Variants in TMEM132E observed in about 807,000 individuals in gnomAD.
The protein encoded by TMEM132E is transmembrane protein 132E.
A neutral mutation model predicts 78.5 loss-of-function variants in TMEM132E; 49 were observed. That is an observed-to-expected ratio of 0.62 (90% confidence interval 0.50 to 0.79). TMEM132E has a LOEUF of 0.79. TMEM132E is among the 30% of genes least tolerant of loss of function. The pLI, the probability that TMEM132E is intolerant of heterozygous loss-of-function variation, is 0.00. For synonymous variants in TMEM132E, 715 were observed against 670.6 expected (o/e 1.07, Z -1.02); for missense variants, 1,403 against 1,470.9 (o/e 0.95, Z 0.75).
Position 34,613,209 on chromosome 17 carries a change from A to ACGCGCG in TMEM132E, c.68-12917_68-12916insGCGCGC, listed in dbSNP as rs1383529235. 1.9e-3 allele frequency among the ~76,000 whole-genome samples: 122 copies of ACGCGCG among 63,624 alleles called. 1 individual carries two copies. Among genetic ancestry groups the ACGCGCG allele is most frequent in the East Asian group, 6.4e-3 (9 of 1,416 alleles). The allele number at this position is 63,624 out of a possible 152,430, so 41.7% of individuals were successfully genotyped here. A position where few individuals can be genotyped will look rare whatever the true frequency, so the allele number is the denominator to read the frequency against. ...CACACACACACACCCACACACACAC[A>ACGCGCG]CACGCGCGCGCGCGCGCGTTCTTAC... On this transcript the variant is annotated intron_variant, in intron 1 of 8. Coordinates refer to ENST00000631683, the MANE Select transcript of TMEM132E (RefSeq NM_001304438.2).
At chr17:34,625,819 A>G (rs1477224369) in intron 1 of TMEM132E, among the ~76,000 whole-genome samples, 3 of 152,150 alleles carry the variant, frequency 2.0e-5, no homozygotes, top group African/African-American at 7.2e-5. Context: ...TGGGGATAGA[A>G]CCTCCTGAAG....
At chr17:34,633,383 C>T (rs1398423985) in intron 6 of TMEM132E, among the ~76,000 whole-genome samples, 1 of 152,248 alleles carries the variant, frequency 6.6e-6, no homozygotes, top group East Asian at 1.9e-4. Flanking sequence ...CACCTGTACA[C>T]ATGTGTCCCA....
At chr17:34,613,632 C>A (rs1263103869) in intron 1 of TMEM132E, among the ~76,000 whole-genome samples, 1 of 152,040 alleles carries the variant, frequency 6.6e-6, no homozygotes, top group Non-Finnish European at 1.5e-5. Flanking sequence ...CTATCTCTTT[C>A]CTTTGAACCC....
At chr17:34,590,310 T>C (rs1905827726) in intron 1 of TMEM132E, among the ~76,000 whole-genome samples, 2 of 149,170 alleles carry the variant, frequency 1.3e-5, no homozygotes, top group Non-Finnish European at 3.0e-5. Context: ...CCGACACTCA[T>C]AGCTTTCCTC....
chr17:34,626,017 A>C (rs2142078697), intron 1 of TMEM132E, 110 bp from the exon 2 acceptor site: 2 of 1,019,044 alleles, frequency 2.0e-6, no homozygotes, highest in East Asian at 5.5e-5. Context: ...GCCCAGCTAG[A>C]GGAGTTGGCA....
chr17:34,634,790 C>T lies in TMEM132E; in HGVS notation c.1689-9C>T. 2 of 1,607,826 alleles carry T rather than the reference C, an allele frequency of 1.2e-6. No individual in the cohort carries two copies. Among genetic ancestry groups the T allele is most frequent in the Non-Finnish European group, 1.7e-6 (2 of 1,176,842 alleles). On this transcript the variant is annotated splice_polypyrimidine_tract_variant and intron_variant, in intron 6 of 8. Transcript: ENST00000631683. ...GAGAAGCCTTCAGCATGGCATGTCC[C>T]CACCCCAGGTCAGTCCGGGAAAGCG...
rs1905389933 is a variant in TMEM132E at position 34,579,620 on chromosome 17, AGGCGGCGACGGC to A, written c.-1449_-1438del. ...GGAGCAGCCGGCGCGAGCGCCGAGG[AGGCGGCGACGGC>A]GGCGGCGGCTGCTTCGTGCAACTGT... On this transcript the variant is annotated 5_prime_UTR_variant, in exon 1 of 9. Coordinates refer to ENST00000631683, the MANE Select transcript of TMEM132E (RefSeq NM_001304438.2). The A allele has an allele frequency of 6.3e-6, 1 of 159,636 alleles. No homozygotes were observed. Among genetic ancestry groups the A allele is most frequent in the African/African-American group, 2.4e-5 (1 of 41,472 alleles). 9.9% of individuals were successfully genotyped at this position (159,636 alleles called of 1,614,324 possible).
intron 6 of TMEM132E, 83 bp downstream of exon 6, chr17:34,632,992 T>C: frequency 6.8e-7 from 1 of 1,461,448 alleles, no homozygotes; most frequent in Non-Finnish European, 9.5e-7. Context: ...TGCATATGGG[T>C]ATAAGGCCCT....
At chr17:34,632,361 G>T (rs1597692508) in intron 5 of TMEM132E, among the ~76,000 whole-genome samples, 3 of 152,370 alleles carry the variant, frequency 2.0e-5, no homozygotes, top group East Asian at 1.9e-4. Flanking sequence ...CAGTCTTGCT[G>T]GGGGAGGGGA....
Position 34,631,849 on chromosome 17 carries a change from C to T in TMEM132E, c.1483-855C>T, listed in dbSNP as rs114833444. Among the ~76,000 whole-genome samples, 6 of 152,334 alleles carry T rather than the reference C, an allele frequency of 3.9e-5. 1 individual carries two copies. The highest frequency in any genetic ancestry group is 1.2e-4 in the African/African-American group (5 of 41,570). On this transcript the variant is annotated intron_variant, in intron 5 of 8. Transcript: ENST00000631683. ...CAGCATGAGCACCTAGATGCATGTA[C>T]ACACAGGATCCGTTCTGGGGTGCCA...
intron 1 of TMEM132E, among the ~76,000 whole-genome samples, chr17:34,613,207 A>AAACGCGCG (rs1906659396): frequency 1.2e-5 from 1 of 82,918 alleles, no homozygotes; most frequent in African/African-American, 3.6e-5. Flanking sequence ...CCACACACAC[A>AAACGCGCG]CACACGCGCG....
At position 34,627,126 on chromosome 17, in the gene TMEM132E, G is replaced by A. The variant is rs144481800; in HGVS notation, c.998+69G>A. On this transcript the variant is annotated intron_variant, in intron 2 of 8. Coordinates refer to ENST00000631683, the MANE Select transcript of TMEM132E (RefSeq NM_001304438.2). ...CAAATGCATACCTGACTCCTTGTGG[G>A]TGGGTTGGGGGGTGGGGGGACCTCC... 1.6e-5 allele frequency: 23 copies of A among 1,441,676 alleles called. 1 individual carries two copies. In the Admixed American group the frequency reaches 3.3e-4, roughly 21 times the overall value. 89.3% of individuals were successfully genotyped at this position (1,441,676 alleles called of 1,614,324 possible).
chr17:34,626,113 C>T lies in TMEM132E; in HGVS notation c.68-14C>T. On this transcript the variant is annotated splice_polypyrimidine_tract_variant and intron_variant, in intron 1 of 8. Coordinates refer to ENST00000631683, the MANE Select transcript of TMEM132E (RefSeq NM_001304438.2). ...CCTGACCACCCTGGGCCTCTTTCCT[C>T]TGTCTGTCCCCAGCCTCTGGCCGCT... 1 of 1,492,850 alleles carries T rather than the reference C, an allele frequency of 6.7e-7. No individual in the cohort carries two copies. Among genetic ancestry groups the T allele is most frequent in the Non-Finnish European group, 8.9e-7 (1 of 1,125,194 alleles). 92.5% of individuals were successfully genotyped at this position (1,492,850 alleles called of 1,614,324 possible).
chr17:34,581,341 C>T (rs1905473692), intron 1 of TMEM132E, among the ~76,000 whole-genome samples, 198 bp downstream of exon 1: 1 of 148,238 alleles, frequency 6.7e-6, no homozygotes, highest in South Asian at 2.2e-4. Context: ...CCGAGCCCGG[C>T]GCCAGAAAAG....
intron 1 of TMEM132E, among the ~76,000 whole-genome samples, chr17:34,613,209 A>ACGTGCGCG (rs1383529235): frequency 1.6e-5 from 1 of 63,514 alleles, no homozygotes; most frequent in Admixed American, 2.2e-4. Flanking sequence ...ACACACACAC[A>ACGTGCGCG]CACGCGCGCG....
intron 4 of TMEM132E, 118 bp from the exon 5 acceptor site, chr17:34,629,890 C>A: frequency 1.7e-6 from 2 of 1,208,654 alleles, no homozygotes; most frequent in South Asian, 1.7e-5. Context: ...AGTGTCCCCA[C>A]TGGAAGGATG....
intron 1 of TMEM132E, among the ~76,000 whole-genome samples, chr17:34,586,148 C>G (rs1159545884): frequency 1.3e-5 from 2 of 152,176 alleles, no homozygotes; most frequent in Non-Finnish European, 2.9e-5. Flanking sequence ...ACGCCTCTCT[C>G]CCCTGATTCC....
Position 34,629,918 on chromosome 17 carries a change from G to GC in TMEM132E, c.1339-90_1339-89insC. On this transcript the variant is annotated intron_variant, in intron 4 of 8. Transcript: ENST00000631683. The stretch of plus-strand genomic sequence containing the variant: ...GAAGGATGTGCATCTGAGGAGTGGG[G>GC]GGGGAGCGTCCAGGAGCTGGGGCCT... 4.9e-6 allele frequency: 7 copies of GC among 1,414,878 alleles called. No homozygotes were observed. In the South Asian group the frequency reaches 8.7e-5, roughly 18 times the overall value. 87.6% of individuals were successfully genotyped at this position (1,414,878 alleles called of 1,614,324 possible).
intron 1 of TMEM132E, among the ~76,000 whole-genome samples, chr17:34,620,557 G>A (rs958867576): frequency 1.8e-4 from 28 of 152,340 alleles, no homozygotes; most frequent in Admixed American, 1.3e-3. Context: ...TGGTGGAGAC[G>A]GCTTGAGAGA....
Sources: gnomAD v4.1 joint callset for allele counts (sites outside exome capture counted in the v4.1 genomes callset) on GRCh38, gnomAD v4.1.1 for gene constraint, MANE v1.5 for transcripts, NCBI Gene and HGNC (gene_info 2026-07-23, HGNC 2026-07-21) for gene names.